The following FRMD5 variants were observed in gnomAD, a reference collection of about 807,000 sequenced individuals.
FRMD5 encodes FERM domain-containing protein 5.
FRMD5 carries 20 observed loss-of-function variants against 69.0 expected under a neutral mutation model. The ratio of observed to expected loss-of-function variants is 0.29; its 90% confidence interval spans 0.20 to 0.42. The LOEUF (loss-of-function observed/expected upper bound fraction) is 0.42. FRMD5 is among the 10% of genes least tolerant of loss of function. FRMD5 has a pLI of 1.00. For missense variants in FRMD5, 595 were observed against 708.6 expected, an observed-to-expected ratio of 0.84 and a Z score of 1.82; for synonymous variants, 271 against 260.1, an observed-to-expected ratio of 1.04 and a Z score of -0.40.
At chr15:44,106,456 G>A (rs2076719955) in intron 1 of FRMD5, among the ~76,000 whole-genome samples, 1 of 152,060 alleles carries the variant, frequency 6.6e-6, no homozygotes, top group African/African-American at 2.4e-5. Context: ...TGTACATATT[G>A]CACTCTTTGC....
At chr15:43,917,251 T>C (rs2089406826) in intron 4 of FRMD5, among the ~76,000 whole-genome samples, 1 of 152,200 alleles carries the variant, frequency 6.6e-6, no homozygotes, top group African/African-American at 2.4e-5. Flanking sequence ...TTTGCTCCGA[T>C]ATGTAGACAG....
intron 7 of FRMD5, among the ~76,000 whole-genome samples, chr15:43,895,226 T>C (rs2088886090): frequency 6.6e-6 from 1 of 152,192 alleles, no homozygotes; most frequent in Admixed American, 6.5e-5. Flanking sequence ...GAAACGAAAA[T>C]GTGGGAAGTT....
At chr15:44,151,640 T>G (rs924024499) in intron 1 of FRMD5, among the ~76,000 whole-genome samples, 4 of 151,936 alleles carry the variant, frequency 2.6e-5, no homozygotes, top group African/African-American at 7.3e-5. Context: ...ATGTAAAACC[T>G]AAAACTATAA....
At chr15:43,995,248 G>T (rs1889865705) in intron 1 of FRMD5, among the ~76,000 whole-genome samples, 1 of 152,176 alleles carries the variant, frequency 6.6e-6, no homozygotes, top group Non-Finnish European at 1.5e-5. Flanking sequence ...ATGCTGTATT[G>T]TTTAGGGAAT....
chr15:43,989,393 A>G lies in FRMD5; in HGVS notation c.103-65084T>C. ...CCGCGGGATTCCATGCCCAGGAAGG[A>G]AGGCTGGAAGAGCGCCTCAGGGCAG... On this transcript the variant is annotated intron_variant, in intron 1 of 13. Coordinates refer to ENST00000417257, the MANE Select transcript of FRMD5 (RefSeq NM_032892.5). 6.4e-6 allele frequency: 5 copies of G among 785,018 alleles called. No individual in the cohort carries two copies. The South Asian group carries it at 6.7e-5, about 10-fold the overall frequency. The allele number at this position is 785,018 out of a possible 1,614,324, so 48.6% of individuals were successfully genotyped here.
chr15:44,175,279 T>C (rs1302751479), intron 1 of FRMD5, among the ~76,000 whole-genome samples: 1 of 152,146 alleles, frequency 6.6e-6, no homozygotes, highest in Non-Finnish European at 1.5e-5. Flanking sequence ...CCATGAAATA[T>C]GTCTGAGGAA....
At chr15:43,963,748 A>C (rs918514458) in intron 1 of FRMD5, among the ~76,000 whole-genome samples, 13 of 152,264 alleles carry the variant, frequency 8.5e-5, no homozygotes, top group African/African-American at 2.9e-4. Context: ...GAGTTCATGC[A>C]CTTTGTAGGG....
chr15:44,027,084 GGTT>G (rs1175725949), intron 1 of FRMD5, among the ~76,000 whole-genome samples: 1 of 152,170 alleles, frequency 6.6e-6, no homozygotes, highest in Non-Finnish European at 1.5e-5. Context: ...AGGATCCCAT[GGTT>G]GTTCACAAAC....
At chr15:43,991,485 C>T (rs1889674701) in intron 1 of FRMD5, among the ~76,000 whole-genome samples, 1 of 152,180 alleles carries the variant, frequency 6.6e-6, no homozygotes, top group Non-Finnish European at 1.5e-5. Context: ...TGCCCTCAGA[C>T]AGTACTGCTC....
chr15:44,198,493 GA>G (rs2078324421), upstream of FRMD5, among the ~76,000 whole-genome samples: 1 of 152,098 alleles, frequency 6.6e-6, no homozygotes, highest in African/African-American at 2.4e-5. Context: ...TACAGAGAAT[GA>G]AAAAATAATG....
At chr15:44,110,489 T>C (rs891647371) in intron 1 of FRMD5, among the ~76,000 whole-genome samples, 9 of 152,260 alleles carry the variant, frequency 5.9e-5, no homozygotes, top group African/African-American at 2.2e-4. Context: ...CTGAGAAGTC[T>C]ACTTTTTGCA....
At chr15:43,979,380 G>A (rs1447267572) in intron 1 of FRMD5, among the ~76,000 whole-genome samples, 2 of 151,372 alleles carry the variant, frequency 1.3e-5, no homozygotes, top group Admixed American at 6.6e-5. Flanking sequence ...CAGCATGTTC[G>A]TCCACCTCCT....
At chr15:43,913,033 CAAAAA>C (rs1242970072) in intron 4 of FRMD5, among the ~76,000 whole-genome samples, 12 of 87,120 alleles carry the variant, frequency 1.4e-4, no homozygotes, top group South Asian at 3.8e-4. Flanking sequence ...AACTCCATCT[CAAAAA>C]AAAAAAAAAA....
chr15:43,905,995 AATC>A, intron 5 of FRMD5, 44 bp from the exon 6 acceptor site: 2 of 1,613,036 alleles, frequency 1.2e-6, no homozygotes, highest in Non-Finnish European at 1.7e-6. Context: ...GAGACAGGTA[AATC>A]ATCATTGACA....
chr15:43,873,497 T>TC lies in FRMD5; in HGVS notation c.*387dup. 3 of 1,420,624 alleles carry TC rather than the reference T, an allele frequency of 2.1e-6. No individual in the cohort carries two copies. The highest frequency in any genetic ancestry group is 1.8e-6 in the Non-Finnish European group (2 of 1,097,720). 88.0% of individuals were successfully genotyped at this position (1,420,624 alleles called of 1,614,324 possible). On this transcript the variant is annotated 3_prime_UTR_variant, in exon 14 of 14. Coordinates refer to ENST00000417257, the MANE Select transcript of FRMD5 (RefSeq NM_032892.5). ...GCAGCTCTCTAGTTTTCAACTAGTGTCCCCTCTGCTAGGTGATACTACTGC... is the reference window on the plus strand; with the variant it reads ...GCAGCTCTCTAGTTTTCAACTAGTGTCCCCCTCTGCTAGGTGATACTACTGC...
intron 1 of FRMD5, among the ~76,000 whole-genome samples, chr15:44,153,617 G>A (rs773891623): frequency 6.6e-6 from 1 of 152,188 alleles, no homozygotes; most frequent in South Asian, 2.1e-4. Flanking sequence ...CTGTGGAGGT[G>A]GATGGTGGTA....
intron 4 of FRMD5, among the ~76,000 whole-genome samples, chr15:43,917,022 C>T (rs2089401975): frequency 6.6e-6 from 1 of 152,128 alleles, no homozygotes; most frequent in African/African-American, 2.4e-5. Flanking sequence ...TCAGATGATC[C>T]ACCCACCTCA....
intron 10 of FRMD5, among the ~76,000 whole-genome samples, chr15:43,887,302 C>A (rs542687985): frequency 6.6e-6 from 1 of 152,332 alleles, no homozygotes; most frequent in East Asian, 1.9e-4. Flanking sequence ...CAGGAGCTTG[C>A]ATCTCAAGTT....
intron 1 of FRMD5, chr15:43,989,400 G>A (rs1234073218): frequency 8.9e-6 from 7 of 785,140 alleles, no homozygotes; most frequent in Non-Finnish European, 1.6e-5. Context: ...AGGAAGGCTG[G>A]AAGAGCGCCT....
Sources: gnomAD v4.1 joint callset for allele counts (sites outside exome capture counted in the v4.1 genomes callset) on GRCh38, gnomAD v4.1.1 for gene constraint, MANE v1.5 for transcripts, NCBI Gene and HGNC (gene_info 2026-07-23, HGNC 2026-07-21) for gene names.